The following SASH1 variants were observed in gnomAD, a reference collection of about 807,000 sequenced individuals.
SASH1 encodes SAM and SH3 domain-containing protein 1.
SASH1 carries 44 observed loss-of-function variants against 125.2 expected under a neutral mutation model. The observed-to-expected ratio is 0.35, with a 90% CI of 0.28 to 0.45. The LOEUF (loss-of-function observed/expected upper bound fraction) is 0.45. Ranked by LOEUF, SASH1 falls within the 20% of genes least tolerant of loss-of-function variation. The pLI is 1.00. For synonymous variants in SASH1, 639 were observed against 649.1 expected (o/e 0.98, Z 0.24); for missense variants, 1,426 against 1,614.5 (o/e 0.88, Z 2.00).
At chr6:148,265,352 G>A in the SASH1 span, among the ~76,000 whole-genome samples, 1 of 150,710 alleles carries the variant, frequency 6.6e-6, no homozygotes, top group African/African-American at 2.5e-5. Context: ...AAGGAGGGAG[G>A]GAAGGAGGGA....
At chr6:148,196,399 A>G in the SASH1 span, among the ~76,000 whole-genome samples, 1 of 152,216 alleles carries the variant, frequency 6.6e-6, no homozygotes, top group Non-Finnish European at 1.5e-5. Flanking sequence ...CACAGCTTCA[A>G]CAAGCACGAA....
intron 1 of SASH1, among the ~76,000 whole-genome samples, chr6:148,350,563 T>G (rs6921503): frequency 5.9e-5 from 9 of 152,030 alleles, no homozygotes; most frequent in African/African-American, 1.9e-4. Flanking sequence ...GAAAAACTAT[T>G]GTTTATCTAA....
In SASH1 at chr6:148,361,376, TCAC is replaced by T. The variant is rs1782197644; in HGVS notation, c.156+18155_156+18157del. ...ACTTTGGGAGGGCAAGGCGGGTGGA[TCAC>T]CTGAGGTCAGGAGTTTGAGACCAGC... On this transcript the variant is annotated intron_variant, in intron 1 of 19. Transcript: ENST00000367467. 2.0e-5 allele frequency among the ~76,000 whole-genome samples: 3 copies of T among 152,110 alleles called. No individual in the cohort carries two copies. In the South Asian group the frequency reaches 6.2e-4, roughly 32 times the overall value.
At position 148,524,121 on chromosome 6, in the gene SASH1, A is replaced by ATATATATATATATATTT. The variant is rs1193506716; in HGVS notation, c.1210-1169_1210-1168insATATATATATATATTTT. Among the ~76,000 whole-genome samples, 252 of 128,496 alleles carry ATATATATATATATATTT rather than the reference A, an allele frequency of 2.0e-3. 2 individuals carry two copies. The highest frequency in any genetic ancestry group is 2.8e-3 in the Non-Finnish European group (171 of 60,734). 84.3% of individuals were successfully genotyped at this position (128,496 alleles called of 152,430 possible). A position where few individuals can be genotyped will look rare whatever the true frequency, so the allele number is the denominator to read the frequency against. On this transcript the variant is annotated intron_variant, in intron 10 of 19. Transcript: ENST00000367467. ...ATTATATATATATATATATATATAT[A>ATATATATATATATATTT]TTTTTTTTAATGAATAAGCAATGCT...
intron 2 of SASH1, among the ~76,000 whole-genome samples, chr6:148,417,315 G>A (rs542521642): frequency 1.9e-4 from 29 of 152,238 alleles, no homozygotes; most frequent in South Asian, 4.2e-4. Context: ...GGTCGGGCGC[G>A]GTGGCTCATG....
intron 2 of SASH1, among the ~76,000 whole-genome samples, chr6:148,390,514 C>T (rs371858935): frequency 2.6e-5 from 4 of 152,220 alleles, no homozygotes; most frequent in African/African-American, 9.6e-5. Context: ...TGGCCGGGCG[C>T]TGTGGCTCAC....
Position 148,299,826 on chromosome 6 carries a change from A to G in SASH1, n.74+27449A>G, listed in dbSNP as rs1779891096. ...TGCTATCTTTGGTTAAAAGCTCTCA[A>G]CTTTTAAATCAGAATAAATTTACAG... On this transcript the variant is annotated intron_variant and non_coding_transcript_variant, in intron 1 of 3. Coordinates refer to the SASH1 transcript ENST00000367469. 2.0e-5 allele frequency among the ~76,000 whole-genome samples: 3 copies of G among 152,216 alleles called. No individual in the cohort carries two copies. In the South Asian group the frequency reaches 6.2e-4, roughly 32 times the overall value.
chr6:148,466,964 T>C (rs1777866120), intron 4 of SASH1, among the ~76,000 whole-genome samples: 2 of 152,164 alleles, frequency 1.3e-5, no homozygotes, highest in African/African-American at 4.8e-5. Context: ...TCTGTGTCTC[T>C]TCTGATGCAG....
At chr6:148,355,959 T>A in intron 1 of SASH1, among the ~76,000 whole-genome samples, 1 of 152,192 alleles carries the variant, frequency 6.6e-6, no homozygotes, top group Non-Finnish European at 1.5e-5. Flanking sequence ...TTCTGAGATT[T>A]TGGTAAACCC....
At chr6:148,254,590 T>C in the SASH1 span, among the ~76,000 whole-genome samples, 1 of 152,134 alleles carries the variant, frequency 6.6e-6, no homozygotes, top group Admixed American at 6.5e-5. Flanking sequence ...AATAAGCACA[T>C]GAAAAGATGC....
intron 1 of SASH1, among the ~76,000 whole-genome samples, chr6:148,325,753 C>A (rs375149572): frequency 6.6e-6 from 1 of 152,200 alleles, no homozygotes. Context: ...AACCATATCA[C>A]CCTCAGTTGC....
At chr6:148,397,999 T>C (rs1052572391) in intron 2 of SASH1, among the ~76,000 whole-genome samples, 1 of 152,032 alleles carries the variant, frequency 6.6e-6, no homozygotes, top group Non-Finnish European at 1.5e-5. Context: ...AACCCAGGCT[T>C]CCCAATCAGA....
At chr6:148,299,362 T>C (rs2128512398) in intron 1 of SASH1, among the ~76,000 whole-genome samples, 1 of 151,900 alleles carries the variant, frequency 6.6e-6, no homozygotes, top group South Asian at 2.1e-4. Flanking sequence ...AATTAAGATA[T>C]TCTGATATCA....
At chr6:148,265,107 G>A in the SASH1 span, among the ~76,000 whole-genome samples, 6 of 152,124 alleles carry the variant, frequency 3.9e-5, no homozygotes, top group African/African-American at 1.2e-4. Context: ...CCTCCAGTTT[G>A]CAAAGAGGAA....
rs1782894449 is a variant in SASH1 at position 148,551,993 on chromosome 6, A to G, written c.*3435A>G. ...TTCCTATGTATCAAAACTTGTCTAT[A>G]ATTATGTCATCTATGTACCTAGAAA... is the stretch of plus-strand genomic sequence containing the variant. On this transcript the variant is annotated 3_prime_UTR_variant, in exon 20 of 20. Transcript: ENST00000367467. 1 of 152,602 alleles carries G rather than the reference A, an allele frequency of 6.6e-6. No homozygotes were observed. The highest frequency in any genetic ancestry group is 6.5e-5 in the Admixed American group (1 of 15,272). The allele number at this position is 152,602 out of a possible 1,614,324, so 9.5% of individuals were successfully genotyped here.
At chr6:148,433,913 CTT>C (rs1216204858) in intron 2 of SASH1, among the ~76,000 whole-genome samples, 1 of 151,228 alleles carries the variant, frequency 6.6e-6, no homozygotes, top group Non-Finnish European at 1.5e-5. Flanking sequence ...TTATATATAT[CTT>C]TTATTATGTT....
At chr6:148,510,549 A>G (rs891928012) in intron 8 of SASH1, among the ~76,000 whole-genome samples, 5 of 152,218 alleles carry the variant, frequency 3.3e-5, no homozygotes, top group Admixed American at 6.5e-5. Context: ...TTTATATACA[A>G]TGCAGATTTC....
intron 16 of SASH1, among the ~76,000 whole-genome samples, chr6:148,538,392 A>G (rs9498062): frequency 0.07 from 10,614 of 152,228 alleles, 513 homozygotes; most frequent in Non-Finnish European, 0.11. Context: ...CAAAGCCCTC[A>G]TTTTATAAGT....
intron 1 of SASH1, among the ~76,000 whole-genome samples, chr6:148,324,123 A>AAAAAAC (rs1465227924): frequency 6.7e-6 from 1 of 148,702 alleles, no homozygotes; most frequent in East Asian, 2.0e-4. Context: ...TGTCTCAAAA[A>AAAAAAC]AAAAAAAAAA....
Sources: allele counts gnomAD v4.1 joint callset (sites outside exome capture counted in the v4.1 genomes callset), GRCh38; gene constraint gnomAD v4.1.1; transcripts MANE v1.5; gene names NCBI Gene and HGNC (gene_info 2026-07-23, HGNC 2026-07-21).